CTNNA2: variants seen among roughly 807,000 people sequenced by gnomAD.
The protein encoded by CTNNA2 is catenin alpha-2.
CTNNA2 carries 42 observed loss-of-function variants against 101.0 expected under a neutral mutation model. The ratio of observed to expected loss-of-function variants is 0.42; its 90% CI spans 0.32 to 0.54. The LOEUF (loss-of-function observed/expected upper bound fraction) is 0.54, where lower values mean the gene tolerates loss of function less well. Ranked by LOEUF, CTNNA2 falls within the 20% of genes least tolerant of loss-of-function variation. The pLI, the probability that CTNNA2 is intolerant of heterozygous loss-of-function variation, is 0.14. For missense variants in CTNNA2, 871 were observed against 1,223.1 expected (o/e 0.71, Z 4.29); for synonymous variants, 450 against 456.4 (o/e 0.99, Z 0.18).
At chr2:80,594,250 T>G (rs1696756127) in intron 15 of CTNNA2, among the ~76,000 whole-genome samples, 1 of 152,140 alleles carries the variant, frequency 6.6e-6, no homozygotes, top group Admixed American at 6.5e-5. Flanking sequence ...TTAATTATGT[T>G]GAACAACTTT....
chr2:79,405,889 A>G (rs1389520310), intron 4 of CTNNA2, among the ~76,000 whole-genome samples: 1 of 152,074 alleles, frequency 6.6e-6, no homozygotes, highest in Non-Finnish European at 1.5e-5. Context: ...AAAAACTTAC[A>G]TAAGCATTGT....
intron 7 of CTNNA2, among the ~76,000 whole-genome samples, chr2:80,214,589 G>A (rs1573412465): frequency 6.6e-6 from 1 of 152,184 alleles, no homozygotes; most frequent in East Asian, 1.9e-4. Flanking sequence ...TCAGCTGTTA[G>A]TCTGATGGGC....
intron 9 of CTNNA2, among the ~76,000 whole-genome samples, chr2:80,424,953 C>T (rs1680865698): frequency 6.6e-6 from 1 of 152,186 alleles, no homozygotes; most frequent in South Asian, 2.1e-4. Flanking sequence ...GGGCTGTGCT[C>T]AGCTCCATTT....
chr2:79,421,129 C>A (rs1158292370), intron 4 of CTNNA2, among the ~76,000 whole-genome samples: 3 of 152,130 alleles, frequency 2.0e-5, no homozygotes, highest in Non-Finnish European at 4.4e-5. Context: ...CTCTCTTTTA[C>A]CCTTGGGAAT....
Position 80,556,756 on chromosome 2 carries a change from G to T in CTNNA2, c.1741+863G>T, listed in dbSNP as rs1392834398. On this transcript the variant is annotated intron_variant, in intron 12 of 18. Coordinates refer to ENST00000402739, the MANE Select transcript of CTNNA2 (RefSeq NM_001282597.3). The stretch of plus-strand genomic sequence containing the variant: ...GTCCAAGGAATGAGAGGAAACTAGG[G>T]AATAGAAAAAGAGAATGTAAGTCCA... 9.2e-5 allele frequency among the ~76,000 whole-genome samples: 14 copies of T among 152,136 alleles called. 1 individual carries two copies. The highest frequency in any genetic ancestry group is 9.2e-4 in the Admixed American group (14 of 15,254).
intron 1 of CTNNA2, among the ~76,000 whole-genome samples, chr2:79,192,003 A>C (rs1434698119): frequency 6.6e-6 from 1 of 152,174 alleles, no homozygotes; most frequent in Admixed American, 6.5e-5. Context: ...TGTTGTGTCA[A>C]AACCACAAAA....
Position 80,574,310 on chromosome 2 carries a change from T to G in CTNNA2, c.1889T>G (p.Ile630Ser). 6.2e-7 allele frequency: 1 copy of G among 1,611,774 alleles called. No homozygotes were observed. The highest frequency in any genetic ancestry group is 8.5e-7 in the Non-Finnish European group (1 of 1,178,240). ...VRDIRKAVLM[I>S]RTPEELEDDS... ...GACATCAGAAAGGCTGTGCTGATGA[T>G]CAGGGTATGTGAGGCCTCTGTAGCT... is the stretch of plus-strand genomic sequence containing the variant. The change falls in exon 13 of 19, where the codon ATC (isoleucine) becomes AGC (serine). Residue 630 changes from isoleucine to serine, a missense_variant. Ile to Ser is a moderately radical substitution (Grantham distance 142, BLOSUM62 -2). Transcript: ENST00000402739.
chr2:79,757,725 G>C (rs1672492112), intron 3 of CTNNA2, among the ~76,000 whole-genome samples: 3 of 152,146 alleles, frequency 2.0e-5, no homozygotes, highest in Non-Finnish European at 2.9e-5. Context: ...CTTTGCAGTA[G>C]AGTCCAGGTT....
intron 2 of CTNNA2, among the ~76,000 whole-genome samples, chr2:79,738,929 C>T (rs1399626489): frequency 1.3e-5 from 2 of 152,170 alleles, no homozygotes; most frequent in African/African-American, 4.8e-5. Flanking sequence ...ATCTATCTAA[C>T]CTTACTTTCC....
At chr2:80,241,238 G>A (rs941714561) in intron 7 of CTNNA2, among the ~76,000 whole-genome samples, 156 of 151,330 alleles carry the variant, frequency 1.0e-3, no homozygotes, top group African/African-American at 3.7e-3. Flanking sequence ...TTTTAATCAG[G>A]AGTACTTCTA....
intron 9 of CTNNA2, among the ~76,000 whole-genome samples, chr2:80,520,738 A>G (rs1689474942): frequency 6.6e-6 from 1 of 152,140 alleles, no homozygotes; most frequent in Non-Finnish European, 1.5e-5. Flanking sequence ...TAGGGTTTCC[A>G]CATACTAATT....
intron 7 of CTNNA2, among the ~76,000 whole-genome samples, chr2:80,156,238 A>G (rs2148936372): frequency 6.6e-6 from 1 of 152,296 alleles, no homozygotes; most frequent in Admixed American, 6.5e-5. Context: ...TTTGAAACTC[A>G]CTGTGAATCC....
chr2:79,670,120 T>C (rs940858563), intron 2 of CTNNA2, among the ~76,000 whole-genome samples: 4 of 152,154 alleles, frequency 2.6e-5, no homozygotes, highest in Non-Finnish European at 4.4e-5. Flanking sequence ...GTCCTGTGCC[T>C]GGGAGGGCAG....
intron 7 of CTNNA2, among the ~76,000 whole-genome samples, chr2:80,233,480 T>C (rs1709372647): frequency 6.6e-6 from 1 of 152,206 alleles, no homozygotes; most frequent in African/African-American, 2.4e-5. Flanking sequence ...GGAGAATAAC[T>C]GCCCTCTTTT....
intron 2 of CTNNA2, among the ~76,000 whole-genome samples, chr2:79,246,684 G>A (rs1211061551): frequency 6.6e-6 from 1 of 152,160 alleles, no homozygotes; most frequent in African/African-American, 2.4e-5. Flanking sequence ...GCATTCTGTT[G>A]GTTTGATTTT....
At chr2:79,481,740 AATAACAATT>A (rs1373796644) in intron 4 of CTNNA2, among the ~76,000 whole-genome samples, 4 of 152,194 alleles carry the variant, frequency 2.6e-5, no homozygotes, top group Admixed American at 2.6e-4. Context: ...GCAGCTTTTA[AATAACAATT>A]AAAGTGCAAT....
chr2:80,120,242 C>G (rs959082681), intron 7 of CTNNA2, among the ~76,000 whole-genome samples: 5 of 152,130 alleles, frequency 3.3e-5, no homozygotes, highest in African/African-American at 1.2e-4. Flanking sequence ...ATTTGCTGAG[C>G]TAAATATCTG....
intron 2 of CTNNA2, among the ~76,000 whole-genome samples, chr2:79,664,785 C>T (rs1366109700): frequency 7.0e-6 from 1 of 143,172 alleles, no homozygotes. Context: ...GATCTCGGCT[C>T]ACTGCAAACT....
intron 1 of CTNNA2, among the ~76,000 whole-genome samples, chr2:79,566,683 G>T (rs1363489432): frequency 1.3e-5 from 2 of 151,952 alleles, no homozygotes; most frequent in Non-Finnish European, 2.9e-5. Context: ...ATAAAATGAT[G>T]AAAAAATGTA....
Sources: allele counts gnomAD v4.1 joint callset (sites outside exome capture counted in the v4.1 genomes callset), GRCh38; gene constraint gnomAD v4.1.1; transcripts MANE v1.5; gene names NCBI Gene and HGNC (gene_info 2026-07-23, HGNC 2026-07-21).